The following RNLS variants were observed in gnomAD, a reference collection of about 807,000 sequenced individuals.
RNLS encodes renalase, FAD dependent amine oxidase, also known as renalase.
Under a neutral mutation model 39.8 loss-of-function variants are expected in RNLS, and 39 were observed. That is an observed-to-expected ratio of 0.98 (90% CI 0.76 to 1.28). The LOEUF is 1.28. RNLS is among the 50% of genes most tolerant of loss of function. The pLI is 0.00. For synonymous variants in RNLS, 147 were observed against 150.7 expected (o/e 0.98, Z 0.18); for missense variants, 410 against 413.3 (o/e 0.99, Z 0.07).
intron 4 of RNLS, among the ~76,000 whole-genome samples, chr10:88,534,119 A>G (rs1198636448): frequency 6.6e-6 from 1 of 152,156 alleles, no homozygotes; most frequent in African/African-American, 2.4e-5. Flanking sequence ...CAAGGAAGGC[A>G]GACTATAGGC....
chr10:88,456,310 T>A (rs902329310), intron 4 of RNLS, among the ~76,000 whole-genome samples: 1 of 151,220 alleles, frequency 6.6e-6, no homozygotes, highest in African/African-American at 2.4e-5. Context: ...TTCCTTAATT[T>A]TATATATATG....
the RNLS span, among the ~76,000 whole-genome samples, chr10:88,214,321 C>G: frequency 1.3e-5 from 2 of 152,156 alleles, no homozygotes; most frequent in African/African-American, 2.4e-5. Context: ...CAGAGCTAAG[C>G]TGCCTTTTAC....
At chr10:88,415,515 T>C (rs909313222) in intron 4 of RNLS, among the ~76,000 whole-genome samples, 2 of 152,236 alleles carry the variant, frequency 1.3e-5, no homozygotes, top group African/African-American at 4.8e-5. Context: ...ATAGTGAATA[T>C]AGTGACACTG....
chr10:88,555,665 C>T (rs56342787), intron 4 of RNLS, among the ~76,000 whole-genome samples: 2,010 of 152,128 alleles, frequency 0.013, 49 homozygotes, highest in African/African-American at 0.045. Context: ...TTTACAGCAA[C>T]GTGAAATGGA....
chr10:88,241,370 C>G, the RNLS span, among the ~76,000 whole-genome samples: 1 of 152,096 alleles, frequency 6.6e-6, no homozygotes, highest in Middle Eastern at 3.4e-3. Flanking sequence ...TTCTTCTCAA[C>G]TTAATTTCCA....
At position 88,526,940 on chromosome 10, in the gene RNLS, G is replaced by A. The variant is rs558159330; in HGVS notation, c.526+45963C>T. ...CCAGGTGTCTCTGGAGGCACCAGGT[G>A]TCTCTGGAGGCAGAGGTGAGGGGTA... On this transcript the variant is annotated intron_variant, in intron 4 of 6. Transcript: ENST00000331772. 6.0e-5 allele frequency among the ~76,000 whole-genome samples: 9 copies of A among 150,286 alleles called. No individual in the cohort carries two copies. In the East Asian group the frequency reaches 1.4e-3, roughly 23 times the overall value.
At chr10:88,456,559 A>G (rs1018806636) in intron 4 of RNLS, among the ~76,000 whole-genome samples, 1 of 152,174 alleles carries the variant, frequency 6.6e-6, no homozygotes, top group Admixed American at 6.6e-5. Context: ...AGGTGAGGAA[A>G]TCAGGTCCTG....
At chr10:88,337,263 ACCTC>A (rs1208481287) in intron 5 of RNLS, among the ~76,000 whole-genome samples, 1 of 152,064 alleles carries the variant, frequency 6.6e-6, no homozygotes, top group Non-Finnish European at 1.5e-5. Flanking sequence ...CTAACTACTG[ACCTC>A]CAGGCTAGTT....
intron 4 of RNLS, among the ~76,000 whole-genome samples, chr10:88,499,157 T>C (rs1221127127): frequency 6.6e-6 from 1 of 152,154 alleles, no homozygotes. Context: ...GAGGAGTCCA[T>C]TGTTGCTCAC....
chr10:88,206,515 A>G, the RNLS span, among the ~76,000 whole-genome samples: 1 of 152,202 alleles, frequency 6.6e-6, no homozygotes, highest in African/African-American at 2.4e-5. Context: ...GTTCTGAGAT[A>G]GCGCTGAAGA....
At chr10:88,377,523 A>C (rs1418970147) in intron 4 of RNLS, among the ~76,000 whole-genome samples, 1 of 152,220 alleles carries the variant, frequency 6.6e-6, no homozygotes, top group African/African-American at 2.4e-5. Flanking sequence ...CCTAGGCTAC[A>C]AATCTGTACA....
At chr10:88,310,560 G>C (rs992980325) in intron 6 of RNLS, among the ~76,000 whole-genome samples, 10 of 151,964 alleles carry the variant, frequency 6.6e-5, no homozygotes, top group African/African-American at 2.4e-4. Flanking sequence ...GGAGGCCAAA[G>C]CAGGAGGATC....
At chr10:88,383,304 T>C (rs1851662228) in intron 4 of RNLS, among the ~76,000 whole-genome samples, 1 of 152,122 alleles carries the variant, frequency 6.6e-6, no homozygotes, top group Non-Finnish European at 1.5e-5. Context: ...AATTGAATAC[T>C]GAATAGTTTT....
rs113603556 is a variant in RNLS, at chr10:88,535,923, G to A, written c.526+36980C>T. Among the ~76,000 whole-genome samples, 28 of 152,244 alleles carry A rather than the reference G, an allele frequency of 1.8e-4. 1 individual carries two copies. The highest frequency in any genetic ancestry group is 6.0e-4 in the African/African-American group (25 of 41,546). Reference sequence around the variant, plus strand: ...ATTAAAGAAATAAAGAGAAAGTAGAGAGAAGAATAAAAGATAATGCTAAGA... The same window carrying A: ...ATTAAAGAAATAAAGAGAAAGTAGAAAGAAGAATAAAAGATAATGCTAAGA... On this transcript the variant is annotated intron_variant, in intron 4 of 6. Coordinates refer to ENST00000331772, the MANE Select transcript of RNLS (RefSeq NM_001031709.3).
chr10:88,408,183 G>C (rs1296742313), intron 4 of RNLS, among the ~76,000 whole-genome samples: 1 of 152,080 alleles, frequency 6.6e-6, no homozygotes, highest in Non-Finnish European at 1.5e-5. Flanking sequence ...GCTTTATGTA[G>C]AGAAGAATTG....
In RNLS at chr10:88,461,157, G is replaced by A. The variant is rs560238485; in HGVS notation, c.527-98432C>T. Among the ~76,000 whole-genome samples, 5 of 152,144 alleles carry A rather than the reference G, an allele frequency of 3.3e-5. No individual in the cohort carries two copies. The East Asian group carries it at 9.7e-4, about 29-fold the overall frequency. Reference sequence around the variant, plus strand: ...CCTTAGCTTTTGGGGACATGCAATGGCTAAAAGCCCTTGTTGGATACTGAA... The same window carrying A: ...CCTTAGCTTTTGGGGACATGCAATGACTAAAAGCCCTTGTTGGATACTGAA... On this transcript the variant is annotated intron_variant, in intron 4 of 6. Coordinates refer to ENST00000331772, the MANE Select transcript of RNLS (RefSeq NM_001031709.3).
chr10:88,408,576 A>G (rs923775362), intron 4 of RNLS, among the ~76,000 whole-genome samples: 1 of 152,014 alleles, frequency 6.6e-6, no homozygotes, highest in African/African-American at 2.4e-5. Context: ...CCGGCCAATA[A>G]ATTTTTTTTC....
At chr10:88,211,688 G>A in the RNLS span, among the ~76,000 whole-genome samples, 1 of 152,194 alleles carries the variant, frequency 6.6e-6, no homozygotes, top group Non-Finnish European at 1.5e-5. Context: ...GTAGAGTGGG[G>A]TAGAGATGGA....
intron 4 of RNLS, among the ~76,000 whole-genome samples, chr10:88,368,612 C>T (rs1327912703): frequency 6.6e-6 from 1 of 152,032 alleles, no homozygotes. Flanking sequence ...CGAATTTCTG[C>T]TTACCATAAG....
Sources: gnomAD v4.1 joint callset for allele counts (sites outside exome capture counted in the v4.1 genomes callset) on GRCh38, gnomAD v4.1.1 for gene constraint, MANE v1.5 for transcripts, NCBI Gene and HGNC (gene_info 2026-07-23, HGNC 2026-07-21) for gene names.